The following SLC2A9 variants were observed in gnomAD, a reference collection of about 807,000 sequenced individuals.
SLC2A9 encodes the protein solute carrier family 2 member 9.
SLC2A9 carries 39 observed loss-of-function variants against 50.6 expected under a neutral mutation model. The observed-to-expected ratio is 0.77, with a 90% CI of 0.60 to 1.01. The LOEUF (loss-of-function observed/expected upper bound fraction) is 1.01. Among genes scored for constraint, SLC2A9 ranks in the 50% least tolerant of loss-of-function variants. The pLI, the probability that SLC2A9 is intolerant of heterozygous loss-of-function variation, is 0.00. For missense variants in SLC2A9, 686 were observed against 677.6 expected (o/e 1.01, Z -0.14); for synonymous variants, 324 against 276.9 (o/e 1.17, Z -1.69).
chr4:9,801,472 G>T (rs544077843), intron 3 of SLC2A9, among the ~76,000 whole-genome samples: 23 of 152,302 alleles, frequency 1.5e-4, no homozygotes, highest in Non-Finnish European at 1.0e-4. Context: ...ATTCAACCCC[G>T]TTGGAGACCC....
chr4:9,994,002 C>T lies in SLC2A9; in HGVS notation c.410+2779G>A, dbSNP rs114837129. 5.9e-3 allele frequency among the ~76,000 whole-genome samples: 900 copies of T among 152,340 alleles called. 5 individuals carry two copies. Among genetic ancestry groups the T allele is most frequent in the Non-Finnish European group, 7.6e-3 (514 of 68,030 alleles). ...CCCTGGAATGTCTCCCCCAGCTATA[C>T]CTTTGAGCACCTTCCACTGGGCCTC... On this transcript the variant is annotated intron_variant, in intron 3 of 11. Transcript: ENST00000264784.
At chr4:9,887,686 G>C in intron 9 of SLC2A9, 44 bp from the exon 10 acceptor site, 2 of 1,409,916 alleles carry the variant, frequency 1.4e-6, no homozygotes, top group Non-Finnish European at 1.9e-6. Context: ...GTGATGGTGT[G>C]ACCGGAGGAC....
chr4:9,804,374 C>T (rs1721851425), intron 3 of SLC2A9, among the ~76,000 whole-genome samples: 1 of 152,020 alleles, frequency 6.6e-6, no homozygotes, highest in Admixed American at 6.5e-5. Context: ...TTAAATGGCC[C>T]TCAACTCATC....
At chr4:10,039,322 G>T (rs1764203848) in intron 1 of SLC2A9, among the ~76,000 whole-genome samples, 1 of 152,218 alleles carries the variant, frequency 6.6e-6, no homozygotes, top group Non-Finnish European at 1.5e-5. Context: ...GTGCATGGAG[G>T]AGGGAATGAA....
chr4:9,886,403 G>T (rs986145845), intron 10 of SLC2A9, among the ~76,000 whole-genome samples: 1 of 148,796 alleles, frequency 6.7e-6, no homozygotes, highest in East Asian at 2.0e-4. Context: ...TCTTGCAGCC[G>T]TTCTGACCAC....
upstream of SLC2A9, among the ~76,000 whole-genome samples, chr4:10,023,615 G>A (rs1436764658): frequency 1.3e-5 from 2 of 152,212 alleles, no homozygotes; most frequent in Non-Finnish European, 2.9e-5. Context: ...AAGTAAAAGA[G>A]CGGAGATGGG....
chr4:9,877,368 C>T (rs1307611459), intron 10 of SLC2A9, among the ~76,000 whole-genome samples: 1 of 152,242 alleles, frequency 6.6e-6, no homozygotes, highest in Non-Finnish European at 1.5e-5. Context: ...CCCTCCCACC[C>T]AACTTGGGGT....
At chr4:9,802,348 G>A (rs371673234) in intron 3 of SLC2A9, among the ~76,000 whole-genome samples, 1 of 151,496 alleles carries the variant, frequency 6.6e-6, no homozygotes, top group African/African-American at 2.4e-5. Context: ...TCCTGGCAAC[G>A]TGGAAAATAC....
At chr4:9,835,980 G>C (rs567820245) in intron 10 of SLC2A9, among the ~76,000 whole-genome samples, 90 of 150,290 alleles carry the variant, frequency 6.0e-4, no homozygotes, top group African/African-American at 2.2e-3. Flanking sequence ...CCGGCTACTC[G>C]AGAGGCTGAG....
chr4:9,906,495 G>A (rs1275645447), intron 8 of SLC2A9, among the ~76,000 whole-genome samples: 1 of 152,186 alleles, frequency 6.6e-6, no homozygotes, highest in African/African-American at 2.4e-5. Flanking sequence ...AAGATTATGT[G>A]AACAAAAGCA....
downstream of SLC2A9, among the ~76,000 whole-genome samples, chr4:9,794,582 T>A (rs1302559507): frequency 6.6e-6 from 1 of 152,182 alleles, no homozygotes; most frequent in Non-Finnish European, 1.5e-5. Flanking sequence ...AAGGTGGAGA[T>A]TTAAACCTAT....
chr4:9,999,080 T>TC (rs1201798535), intron 2 of SLC2A9, among the ~76,000 whole-genome samples: 1 of 150,384 alleles, frequency 6.6e-6, no homozygotes, highest in African/African-American at 2.5e-5. Flanking sequence ...GTCCTTCTTT[T>TC]TTTTTTTTTC....
At chr4:9,784,822 A>C (rs556094293) in intron 3 of SLC2A9, among the ~76,000 whole-genome samples, 1 of 152,338 alleles carries the variant, frequency 6.6e-6, no homozygotes, top group Non-Finnish European at 1.5e-5. Flanking sequence ...CCTGCTTTGA[A>C]GCCGTTTTAT....
intron 3 of SLC2A9, among the ~76,000 whole-genome samples, chr4:9,803,808 T>C (rs1721778407): frequency 6.6e-6 from 1 of 152,208 alleles, no homozygotes. Flanking sequence ...AGGCTCTCAA[T>C]AAAGAATTGT....
At chr4:9,782,719 G>A (rs751508044) in intron 3 of SLC2A9, 1 of 1,613,970 alleles carries the variant, frequency 6.2e-7, no homozygotes, top group African/African-American at 1.3e-5. Context: ...TCTCTTCCTC[G>A]CTCATCAGCT....
At chr4:9,994,786 T>G (rs1246900111) in intron 3 of SLC2A9, among the ~76,000 whole-genome samples, 1 of 151,932 alleles carries the variant, frequency 6.6e-6, no homozygotes, top group Non-Finnish European at 1.5e-5. Flanking sequence ...AGAGCCTCCT[T>G]GAGGAGCAGC....
At chr4:9,866,224 C>CATT (rs1415516265) in intron 10 of SLC2A9, among the ~76,000 whole-genome samples, 1 of 151,254 alleles carries the variant, frequency 6.6e-6, no homozygotes, top group East Asian at 1.9e-4. Flanking sequence ...ATTATTATAC[C>CATT]ATTATTATTA....
intron 5 of SLC2A9, among the ~76,000 whole-genome samples, chr4:9,980,111 A>G (rs73805436): frequency 0.046 from 6,993 of 152,250 alleles, 508 homozygotes; most frequent in African/African-American, 0.16. Context: ...ACCTGCTCCC[A>G]AAACAGCAAG....
At chr4:9,953,478 A>G (rs901902937) in intron 5 of SLC2A9, among the ~76,000 whole-genome samples, 3 of 152,138 alleles carry the variant, frequency 2.0e-5, no homozygotes, top group African/African-American at 4.8e-5. Flanking sequence ...GTCATTTTGG[A>G]CCTCAAATTT....
Sources: allele counts gnomAD v4.1 joint callset (sites outside exome capture counted in the v4.1 genomes callset), GRCh38; gene constraint gnomAD v4.1.1; transcripts MANE v1.5; gene names NCBI Gene and HGNC (gene_info 2026-07-23, HGNC 2026-07-21).